The following RABGAP1L variants were observed in gnomAD, a reference collection of about 807,000 sequenced individuals.
RABGAP1L encodes the protein RAB GTPase activating protein 1 like.
RABGAP1L carries 63 observed loss-of-function variants against 137.7 expected under a neutral mutation model. The ratio of observed to expected loss-of-function variants is 0.46; its 90% CI spans 0.37 to 0.56. The LOEUF is 0.56. RABGAP1L is among the 20% of genes least tolerant of loss of function. RABGAP1L has a pLI of 0.00. For synonymous variants in RABGAP1L, 431 were observed against 433.7 expected, an observed-to-expected ratio of 0.99 and a Z score of 0.08; for missense variants, 1,095 against 1,244.0, an observed-to-expected ratio of 0.88 and a Z score of 1.80.
chr1:174,531,322 A>G (rs896794773), intron 13 of RABGAP1L, among the ~76,000 whole-genome samples: 1 of 152,198 alleles, frequency 6.6e-6, no homozygotes, highest in Non-Finnish European at 1.5e-5. Flanking sequence ...TGTGCTATAT[A>G]CTTAAGTTTT....
At chr1:174,440,538 A>G (rs1654007206) in intron 13 of RABGAP1L, among the ~76,000 whole-genome samples, 1 of 152,152 alleles carries the variant, frequency 6.6e-6, no homozygotes, top group Admixed American at 6.5e-5. Flanking sequence ...AAATTTATTG[A>G]AGGACAACAG....
At chr1:174,888,735 TGATC>T (rs1396455527) in intron 19 of RABGAP1L, among the ~76,000 whole-genome samples, 1 of 152,078 alleles carries the variant, frequency 6.6e-6, no homozygotes, top group Non-Finnish European at 1.5e-5. Context: ...TGACCTCAAG[TGATC>T]CACCCACCTT....
chr1:174,178,532 C>T (rs759570213), intron 1 of RABGAP1L, among the ~76,000 whole-genome samples: 1 of 152,136 alleles, frequency 6.6e-6, no homozygotes, highest in Admixed American at 6.6e-5. Flanking sequence ...CAGATGCACA[C>T]GTATGTTTAT....
intron 15 of RABGAP1L, among the ~76,000 whole-genome samples, chr1:174,685,551 C>CTTTCTTTCTTTATTTA (rs112033205): frequency 6.9e-6 from 1 of 144,970 alleles, no homozygotes; most frequent in African/African-American, 2.6e-5. Flanking sequence ...CCGCGCCGGC[C>CTTTCTTTCTTTATTTA]TTTATTTATT....
At chr1:174,382,795 A>G (rs1686281310) in intron 12 of RABGAP1L, among the ~76,000 whole-genome samples, 1 of 151,310 alleles carries the variant, frequency 6.6e-6, no homozygotes, top group African/African-American at 2.4e-5. Context: ...CAGCTTGTCA[A>G]AGTCATTCTC....
At chr1:174,543,547 CAATTT>C (rs1665690472) in intron 13 of RABGAP1L, among the ~76,000 whole-genome samples, 1 of 152,108 alleles carries the variant, frequency 6.6e-6, no homozygotes, top group African/African-American at 2.4e-5. Flanking sequence ...ACTCTTTATC[CAATTT>C]AACAGTCTGT....
chr1:174,761,531 TCTC>T lies in RABGAP1L; in HGVS notation c.2211+9181_2211+9183del, dbSNP rs1685221456. On this transcript the variant is annotated intron_variant, in intron 18 of 25. Coordinates refer to ENST00000681986, the MANE Select transcript of RABGAP1L (RefSeq NM_001366446.1). The surrounding 1 kb of genome is among the most constrained non-coding windows in gnomAD (Gnocchi z 4.0). ...GCGCTGCTCACTTCCCAGCAGAGGC[TCTC>T]CTCACTTCCCAGATGGTGGGGCCGC... is the stretch of plus-strand genomic sequence containing the variant. 6.8e-6 allele frequency among the ~76,000 whole-genome samples: 1 copy of T among 146,646 alleles called. No individual in the cohort carries two copies. Among genetic ancestry groups the T allele is most frequent in the African/African-American group, 2.5e-5 (1 of 39,274 alleles).
At chr1:174,511,348 G>A (rs1662313586) in intron 13 of RABGAP1L, among the ~76,000 whole-genome samples, 1 of 152,022 alleles carries the variant, frequency 6.6e-6, no homozygotes, top group Admixed American at 6.6e-5. Context: ...AATTTTCTTT[G>A]GTTATAAAAG....
At chr1:174,851,382 G>A (rs1648307439) in intron 19 of RABGAP1L, among the ~76,000 whole-genome samples, 1 of 152,152 alleles carries the variant, frequency 6.6e-6, no homozygotes. Context: ...GGTGCCATAA[G>A]TAGAATATGC....
intron 1 of RABGAP1L, among the ~76,000 whole-genome samples, chr1:174,181,969 A>G (rs780856272): frequency 6.6e-6 from 1 of 152,218 alleles, no homozygotes; most frequent in East Asian, 1.9e-4. Context: ...AATGAGGGAG[A>G]AATATAAATG....
In RABGAP1L at chr1:174,758,178, C is replaced by T. The variant is rs185125035; in HGVS notation, c.2211+5824C>T. ...CAAAACAGCATAATGACATACACAA[C>T]GCTTCCTTTTTTTTCCCCTTCTTTT... On this transcript the variant is annotated intron_variant, in intron 18 of 25. Coordinates refer to ENST00000681986, the MANE Select transcript of RABGAP1L (RefSeq NM_001366446.1). Among the ~76,000 whole-genome samples the T allele has an allele frequency of 3.3e-5, 5 of 152,082 alleles. No homozygotes were observed. In the East Asian group the frequency reaches 9.7e-4, roughly 29 times the overall value.
intron 1 of RABGAP1L, among the ~76,000 whole-genome samples, chr1:174,165,403 G>C (rs989049673): frequency 1.3e-5 from 2 of 152,122 alleles, no homozygotes; most frequent in Non-Finnish European, 2.9e-5. Context: ...ATCCGCCTCA[G>C]CCTCCCAAAG....
At chr1:174,559,951 T>C (rs909862458) in intron 13 of RABGAP1L, among the ~76,000 whole-genome samples, 5 of 152,104 alleles carry the variant, frequency 3.3e-5, no homozygotes, top group Admixed American at 2.0e-4. Context: ...CTGGCCAACA[T>C]GGTGAAACCC....
At chr1:174,743,462 A>G (rs1398984488) in intron 17 of RABGAP1L, among the ~76,000 whole-genome samples, 1 of 152,202 alleles carries the variant, frequency 6.6e-6, no homozygotes, top group African/African-American at 2.4e-5. Context: ...TTTGAAACAC[A>G]TGTTAAAACC....
intron 12 of RABGAP1L, among the ~76,000 whole-genome samples, chr1:174,383,628 A>G (rs1285110991): frequency 3.3e-5 from 5 of 152,172 alleles, no homozygotes; most frequent in South Asian, 2.1e-4. Flanking sequence ...AAGTGAGGCA[A>G]TGCCTCGCCC....
intron 13 of RABGAP1L, among the ~76,000 whole-genome samples, chr1:174,421,153 A>G (rs1044075158): frequency 6.6e-6 from 1 of 152,206 alleles, no homozygotes; most frequent in Non-Finnish European, 1.5e-5. Flanking sequence ...TTCTGCTACT[A>G]TCACAAACTG....
chr1:174,961,948 A>G (rs1289543643), intron 20 of RABGAP1L, among the ~76,000 whole-genome samples: 1 of 151,646 alleles, frequency 6.6e-6, no homozygotes, highest in African/African-American at 2.4e-5. Context: ...CAAGGTCAGG[A>G]GAATCGAGAC....
At position 174,973,972 on chromosome 1, in the gene RABGAP1L, GTTTTTTGTTTTTTT is replaced by G. The variant is rs1261435308; in HGVS notation, c.2545-2099_2545-2086del. Among the ~76,000 whole-genome samples the G allele has an allele frequency of 5.1e-4, 48 of 94,220 alleles. 1 individual carries two copies. The highest frequency in any genetic ancestry group is 1.5e-3 in the East Asian group (5 of 3,260). The allele number at this position is 94,220 out of a possible 152,430, so 61.8% of individuals were successfully genotyped here. A position where few individuals can be genotyped will look rare whatever the true frequency, so the allele number is the denominator to read the frequency against. On this transcript the variant is annotated intron_variant, in intron 21 of 25. Transcript: ENST00000681986. ...GAACACTGAAATGAGCAGTACAATT[GTTTTTTGTTTTTTT>G]TTTTTTTTTTTTTTTTTTTTGAGAC...
intron 13 of RABGAP1L, among the ~76,000 whole-genome samples, chr1:174,575,289 T>C (rs1339954942): frequency 6.6e-6 from 1 of 152,208 alleles, no homozygotes; most frequent in East Asian, 1.9e-4. Flanking sequence ...GGATAATATA[T>C]TTGGTAAAAA....
Sources: allele counts gnomAD v4.1 joint callset (sites outside exome capture counted in the v4.1 genomes callset), GRCh38; gene constraint gnomAD v4.1.1; non-coding constraint Gnocchi (gnomAD v3.1); transcripts MANE v1.5; gene names NCBI Gene and HGNC (gene_info 2026-07-23, HGNC 2026-07-21).